EDIL3: variants seen among roughly 807,000 people sequenced by gnomAD.
EDIL3 encodes EGF like and discoidin domains 3, also known as EGF-like repeat and discoidin I-like domain-containing protein 3.
Under a neutral mutation model 67.4 loss-of-function variants are expected in EDIL3, and 37 were observed. The observed-to-expected ratio is 0.55, with a 90% CI of 0.42 to 0.72. The LOEUF (loss-of-function observed/expected upper bound fraction) is 0.72, where lower values mean the gene tolerates loss of function less well. Ranked by LOEUF, EDIL3 falls within the 30% of genes least tolerant of loss-of-function variation. The pLI, the probability that EDIL3 is intolerant of heterozygous loss-of-function variation, is 0.00. For synonymous variants in EDIL3, 195 were observed against 196.3 expected (o/e 0.99, Z 0.05); for missense variants, 527 against 586.3 (o/e 0.90, Z 1.04).
At chr5:84,131,081 G>T (rs981256949) in intron 5 of EDIL3, among the ~76,000 whole-genome samples, 1 of 151,294 alleles carries the variant, frequency 6.6e-6, no homozygotes, top group Non-Finnish European at 1.5e-5. Flanking sequence ...TATGACAAAA[G>T]AAAAGGTGAG....
chr5:84,190,547 A>ATGTGTGTGTGTGTG (rs1326799356), intron 3 of EDIL3, among the ~76,000 whole-genome samples: 1 of 62,232 alleles, frequency 1.6e-5, no homozygotes, highest in African/African-American at 5.4e-5. Context: ...ATATATATAT[A>ATGTGTGTGTGTGTG]TATATGTGTG....
At chr5:84,112,241 G>T (rs1338909440) in intron 5 of EDIL3, among the ~76,000 whole-genome samples, 1 of 152,104 alleles carries the variant, frequency 6.6e-6, no homozygotes, top group East Asian at 1.9e-4. Context: ...TTTAAGACGG[G>T]ACAAAACTAT....
chr5:84,239,141 C>T (rs1744743277), intron 2 of EDIL3, among the ~76,000 whole-genome samples: 1 of 152,110 alleles, frequency 6.6e-6, no homozygotes, highest in Admixed American at 6.5e-5. Context: ...GCCAGTCATT[C>T]AAATATTTAA....
At chr5:84,192,945 G>C (rs78233999) in intron 3 of EDIL3, among the ~76,000 whole-genome samples, 4,267 of 152,014 alleles carry the variant, frequency 0.028, 210 homozygotes, top group African/African-American at 0.097. Flanking sequence ...GCTAAGGTAA[G>C]AAAGAAATGA....
chr5:84,133,108 A>G (rs1420237933), intron 5 of EDIL3, among the ~76,000 whole-genome samples: 2 of 152,166 alleles, frequency 1.3e-5, no homozygotes, highest in Admixed American at 6.5e-5. Flanking sequence ...TGTGGGCCAC[A>G]TAGTCCAATA....
At chr5:84,215,988 C>T (rs342418) in intron 3 of EDIL3, among the ~76,000 whole-genome samples, 126,648 of 152,204 alleles carry the variant, frequency 0.83, 53,112 homozygotes, top group East Asian at 0.91. Flanking sequence ...ATTAGGCTGC[C>T]GGCTCTTTTG....
intron 1 of EDIL3, among the ~76,000 whole-genome samples, chr5:84,333,162 A>G (rs1746910512): frequency 6.6e-6 from 1 of 152,198 alleles, no homozygotes; most frequent in Non-Finnish European, 1.5e-5. Flanking sequence ...CTGTTTCTAT[A>G]GAGACATTTG....
intron 1 of EDIL3, among the ~76,000 whole-genome samples, chr5:84,369,027 G>A (rs1747793939): frequency 6.6e-6 from 1 of 151,792 alleles, no homozygotes; most frequent in Non-Finnish European, 1.5e-5. Context: ...GATGTAGAAT[G>A]CTATAGCTGC....
intron 3 of EDIL3, among the ~76,000 whole-genome samples, chr5:84,218,056 C>T (rs1237040247): frequency 6.6e-6 from 1 of 152,128 alleles, no homozygotes; most frequent in Non-Finnish European, 1.5e-5. Flanking sequence ...ATTTACACCT[C>T]TAGGACTATC....
chr5:84,032,664 A>C (rs1745951147), intron 9 of EDIL3, among the ~76,000 whole-genome samples: 1 of 152,260 alleles, frequency 6.6e-6, no homozygotes, highest in South Asian at 2.1e-4. Context: ...TGAAACATCC[A>C]GGAAAATCTG....
rs527886497 is a variant in EDIL3, at chr5:84,340,268, G to C, written c.67+44040C>G. 2.0e-4 allele frequency among the ~76,000 whole-genome samples: 31 copies of C among 151,668 alleles called. No individual in the cohort carries two copies. In the East Asian group the frequency reaches 5.8e-3, roughly 29 times the overall value. Reference sequence around the variant, plus strand: ...ACAAGAAAAAAAAATCAGTGTCTCAGAGCACTGACTCTGGAACTGAGCAGC... The same window carrying C: ...ACAAGAAAAAAAAATCAGTGTCTCACAGCACTGACTCTGGAACTGAGCAGC... On this transcript the variant is annotated intron_variant, in intron 1 of 10. Transcript: ENST00000296591.
chr5:84,197,477 T>C (rs138929160), intron 3 of EDIL3, among the ~76,000 whole-genome samples: 2 of 151,960 alleles, frequency 1.3e-5, no homozygotes, highest in African/African-American at 2.4e-5. Flanking sequence ...CTGGCCAACA[T>C]AGTGAAACCC....
At chr5:84,337,700 C>G (rs1747018111) in intron 1 of EDIL3, among the ~76,000 whole-genome samples, 1 of 152,000 alleles carries the variant, frequency 6.6e-6, no homozygotes, top group Non-Finnish European at 1.5e-5. Context: ...TTAGGCTGAC[C>G]TTCAATATTT....
chr5:84,267,018 A>G (rs1457438117), intron 1 of EDIL3, among the ~76,000 whole-genome samples: 2 of 152,232 alleles, frequency 1.3e-5, no homozygotes. Flanking sequence ...CTTATGGAAA[A>G]AATAAATTTT....
chr5:84,174,702 C>A (rs1748870532), intron 4 of EDIL3, among the ~76,000 whole-genome samples: 1 of 152,170 alleles, frequency 6.6e-6, no homozygotes, highest in Non-Finnish European at 1.5e-5. Flanking sequence ...CTCTCTAGAA[C>A]AAGACGGACT....
chr5:84,071,647 C>T (rs1746742239), intron 6 of EDIL3, among the ~76,000 whole-genome samples: 1 of 152,092 alleles, frequency 6.6e-6, no homozygotes, highest in South Asian at 2.1e-4. Flanking sequence ...GTTATAAAAC[C>T]CTTTCCAGAA....
intron 6 of EDIL3, among the ~76,000 whole-genome samples, chr5:84,072,294 T>A (rs1348703680): frequency 6.6e-6 from 1 of 151,978 alleles, no homozygotes; most frequent in Non-Finnish European, 1.5e-5. Context: ...ACTAACCCAA[T>A]AGAAATGAGC....
chr5:84,107,400 C>A (rs376600430), intron 5 of EDIL3, among the ~76,000 whole-genome samples: 4 of 151,540 alleles, frequency 2.6e-5, no homozygotes, highest in African/African-American at 7.3e-5. Context: ...TATTATAATA[C>A]CCCATGATAT....
chr5:84,353,453 T>A (rs932761820), intron 1 of EDIL3, among the ~76,000 whole-genome samples: 4 of 152,136 alleles, frequency 2.6e-5, no homozygotes, highest in African/African-American at 9.7e-5. Flanking sequence ...TACCCAAAGA[T>A]AACTAATTCT....
Sources: allele counts gnomAD v4.1 joint callset (sites outside exome capture counted in the v4.1 genomes callset), GRCh38; gene constraint gnomAD v4.1.1; transcripts MANE v1.5; gene names NCBI Gene and HGNC (gene_info 2026-07-23, HGNC 2026-07-21).